DST: variants seen among roughly 807,000 people sequenced by gnomAD.
The protein encoded by DST is dystonin.
A neutral mutation model predicts 875.2 loss-of-function variants in DST; 253 were observed. The ratio of observed to expected loss-of-function variants is 0.29; its 90% confidence interval spans 0.26 to 0.32. The LOEUF (loss-of-function observed/expected upper bound fraction) is 0.32, where lower values mean the gene tolerates loss of function less well. DST is among the 10% of genes least tolerant of loss of function. DST has a pLI of 1.00. For missense variants in DST, 8,287 were observed against 9,111.6 expected (o/e 0.91, Z 3.68); for synonymous variants, 3,124 against 3,197.1 (o/e 0.98, Z 0.77).
At chr6:56,900,335 A>C in intron 3 of DST, 86 bp downstream of exon 3, 1 of 1,123,150 alleles carries the variant, frequency 8.9e-7, no homozygotes, top group Non-Finnish European at 1.2e-6. Flanking sequence ...TTCAAAGTTA[A>C]TCTGATAATG....
intron 3 of DST, chr6:56,871,776 T>TAAAAAAAAAAAAAA (rs746142378): frequency 2.5e-4 from 24 of 95,352 alleles, no homozygotes; most frequent in African/African-American, 6.2e-4. Context: ...CAATTAAAAG[T>TAAAAAAAAAAAAAA]AAAAAAAAAA....
intron 93 of DST, 85 bp from the exon 94 acceptor site, chr6:56,472,307 G>A: frequency 8.1e-7 from 1 of 1,228,244 alleles, no homozygotes; most frequent in Non-Finnish European, 1.1e-6. Flanking sequence ...TTCTAGCTAA[G>A]ACTGCATCAA....
intron 87 of DST, among the ~76,000 whole-genome samples, chr6:56,486,445 T>A (rs1418282355): frequency 7.0e-6 from 1 of 142,630 alleles, no homozygotes; most frequent in Non-Finnish European, 1.6e-5. Context: ...GAACTGAATA[T>A]AATCTATTTA....
In DST at chr6:56,714,320, TG is replaced by T. The variant is rs2099387643; in HGVS notation, c.688-9952del. On this transcript the variant is annotated intron_variant, in intron 5 of 103. Coordinates refer to ENST00000680361, the MANE Select transcript of DST (RefSeq NM_001374736.1). This position sits in a 1 kb window ranked among gnomAD's most constrained non-coding sequence, Gnocchi z 4.5. ...ATCTCTGCAACAGAAATATACTTTC[TG>T]TAGGAGGATTAAAAGTTTCAAAGTG... Among the ~76,000 whole-genome samples, 2 of 152,348 alleles carry T rather than the reference TG, an allele frequency of 1.3e-5. No individual in the cohort carries two copies. The highest frequency in any genetic ancestry group is 4.1e-4 in the South Asian group (2 of 4,830).
chr6:56,793,165 G>A (rs2099733836), intron 4 of DST, among the ~76,000 whole-genome samples: 1 of 151,874 alleles, frequency 6.6e-6, no homozygotes, highest in South Asian at 2.1e-4. Context: ...CTGGAGGGTG[G>A]GGAAGAGCTA....
At position 56,573,010 on chromosome 6, in the gene DST, T is replaced by C; in HGVS notation, c.13291A>G (p.Lys4431Glu). 2 of 1,606,000 alleles carry C rather than the reference T, an allele frequency of 1.2e-6. No individual in the cohort carries two copies. Among genetic ancestry groups the C allele is most frequent in the Non-Finnish European group, 1.7e-6 (2 of 1,176,134 alleles). ...GTTGTTTCCATAAATTTCTTCACTTTTTCATTCATGGCATTTATACTGCTC... is the reference window on the plus strand; with the variant it reads ...GTTGTTTCCATAAATTTCTTCACTTCTTCATTCATGGCATTTATACTGCTC... Reference protein sequence around the residue: ...RQSSINAMNEKVKKFMETTDP... With the variant: ...RQSSINAMNEEVKKFMETTDP... The change falls in exon 52 of 104, where the codon AAA becomes GAA. Residue 4431 changes from lysine to glutamate, a missense_variant. Lys to Glu is a moderately conservative substitution (Grantham distance 56, BLOSUM62 1). This residue lies in a region of DST where 1,513 missense variants were observed against 1,677.8 expected (regional missense o/e 0.90). Coordinates refer to ENST00000680361, the MANE Select transcript of DST (RefSeq NM_001374736.1).
intron 79 of DST, 65 bp from the exon 80 acceptor site, chr6:56,501,300 A>C: frequency 6.8e-7 from 1 of 1,471,672 alleles, no homozygotes; most frequent in Non-Finnish European, 9.1e-7. Flanking sequence ...TGTCTATAAA[A>C]CAAGGACAAA....
In DST at chr6:56,572,963, T is replaced by G; in HGVS notation, c.13338A>C (p.Ser4446=). 1 of 1,612,422 alleles carries G rather than the reference T, an allele frequency of 6.2e-7. No homozygotes were observed. The highest frequency in any genetic ancestry group is 8.5e-7 in the Non-Finnish European group (1 of 1,179,268). The change falls in exon 52 of 104, where the codon TCA becomes TCC. Residue 4446 remains serine, a synonymous_variant. Transcript: ENST00000680361. ...ACAAGTCTTTCATTTTGGCTTGCAG[T>G]GAGGATGCAGTGGATGGATCTGTTG... The part of the protein sequence containing the change: ...METTDPSTAS[S]LQAKMKDLSA...
chr6:56,837,097 G>A (rs1048258145), intron 4 of DST, among the ~76,000 whole-genome samples: 4 of 151,984 alleles, frequency 2.6e-5, no homozygotes, highest in African/African-American at 9.7e-5. Flanking sequence ...TACTTAAAGC[G>A]CTCTACATTA....
chr6:56,838,003 A>C (rs2099795729), intron 4 of DST, among the ~76,000 whole-genome samples: 1 of 151,978 alleles, frequency 6.6e-6, no homozygotes, highest in Non-Finnish European at 1.5e-5. Context: ...ATTACCTGAA[A>C]TTCCTCCTTG....
At chr6:56,816,509 T>C (rs1046238694) in intron 4 of DST, among the ~76,000 whole-genome samples, 8 of 152,318 alleles carry the variant, frequency 5.3e-5, no homozygotes, top group African/African-American at 1.9e-4. Context: ...TAAGCACACT[T>C]ATCTTTGTCC....
intron 23 of DST, among the ~76,000 whole-genome samples, chr6:56,636,186 C>G (rs2098822210): frequency 6.6e-6 from 1 of 151,396 alleles, no homozygotes; most frequent in Non-Finnish European, 1.5e-5. Context: ...TTCAATCTAT[C>G]TCATAGGACA....
chr6:56,527,877 C>A, intron 67 of DST, 143 bp from the exon 68 acceptor site: 1 of 868,780 alleles, frequency 1.2e-6, no homozygotes, highest in Non-Finnish European at 1.6e-6. Context: ...CAAGAGAAGC[C>A]CTTTTCTAAA....
At chr6:56,584,399 G>C (rs1474576062) in intron 49 of DST, among the ~76,000 whole-genome samples, 1 of 152,048 alleles carries the variant, frequency 6.6e-6, no homozygotes, top group South Asian at 2.1e-4. Flanking sequence ...CTGTTTGTCT[G>C]TTATGGGTGT....
intron 2 of DST, among the ~76,000 whole-genome samples, chr6:56,917,439 C>T (rs1180157225): frequency 6.6e-6 from 1 of 152,170 alleles, no homozygotes; most frequent in East Asian, 1.9e-4. Flanking sequence ...TTTTACTGTT[C>T]ATTTCTGCTC....
chr6:56,578,312 C>T (rs1052580828), intron 50 of DST, among the ~76,000 whole-genome samples: 1 of 152,160 alleles, frequency 6.6e-6, no homozygotes, highest in Non-Finnish European at 1.5e-5. Flanking sequence ...GAAGTCAAGG[C>T]TGCAGTGAGA....
rs1030334877 is a variant in DST, at chr6:56,614,756, T to C, written c.4930-272A>G. 8 of 1,058,308 alleles carry C rather than the reference T, an allele frequency of 7.6e-6. No homozygotes were observed. The African/African-American group carries it at 1.0e-4, about 13-fold the overall frequency. 65.6% of individuals were successfully genotyped at this position (1,058,308 alleles called of 1,614,324 possible). A position where few individuals can be genotyped will look rare whatever the true frequency, so the allele number is the denominator to read the frequency against. On this transcript the variant is annotated intron_variant, in intron 36 of 103. Transcript: ENST00000680361. ...CCATCAATGTTACAAATTTTAAATC[T>C]CAACTTTATTCATGAGGCACTAGAA...
intron 31 of DST, among the ~76,000 whole-genome samples, chr6:56,629,655 G>GT (rs2098761216): frequency 6.6e-6 from 1 of 151,802 alleles, no homozygotes; most frequent in Admixed American, 6.6e-5. Flanking sequence ...ATTTTATAAC[G>GT]TTCAGCCTAA....
intron 98 of DST, 139 bp from the exon 99 acceptor site, chr6:56,466,334 G>C: frequency 2.0e-6 from 1 of 507,440 alleles, no homozygotes; most frequent in Non-Finnish European, 3.4e-6. Flanking sequence ...TCTCAGAAAA[G>C]GGGGTTTGTA....
Sources: allele counts gnomAD v4.1 joint callset (sites outside exome capture counted in the v4.1 genomes callset), GRCh38; gene constraint gnomAD v4.1.1; regional missense constraint gnomAD v4.1.1; non-coding constraint Gnocchi (gnomAD v3.1); transcripts MANE v1.5; gene names NCBI Gene and HGNC (gene_info 2026-07-23, HGNC 2026-07-21).